Variants in GRIN2A observed in about 807,000 individuals in gnomAD.
The protein encoded by GRIN2A is glutamate ionotropic receptor NMDA type subunit 2A, also known as glutamate receptor ionotropic, NMDA 2A.
A neutral mutation model predicts 113.4 loss-of-function variants in GRIN2A; 22 were observed. The ratio of observed to expected loss-of-function variants is 0.19; its 90% CI spans 0.14 to 0.28. GRIN2A has a LOEUF of 0.28. Ranked by LOEUF, GRIN2A falls within the 10% of genes least tolerant of loss-of-function variation. The pLI is 1.00. For synonymous variants in GRIN2A, 827 were observed against 738.4 expected, an observed-to-expected ratio of 1.12 and a Z score of -1.94; for missense variants, 1,502 against 1,887.0, an observed-to-expected ratio of 0.80 and a Z score of 3.78.
intron 2 of GRIN2A, among the ~76,000 whole-genome samples, chr16:9,994,782 T>A (rs1431054580): frequency 2.0e-5 from 3 of 152,190 alleles, no homozygotes. Flanking sequence ...ACCATCTCCA[T>A]TGGAACTCCT....
At chr16:9,788,994 G>A (rs966768807) in intron 11 of GRIN2A, among the ~76,000 whole-genome samples, 1 of 151,956 alleles carries the variant, frequency 6.6e-6, no homozygotes, top group Non-Finnish European at 1.5e-5. Context: ...CACCCTCCTC[G>A]GCCTCTCAAA....
chr16:10,077,266 G>A (rs568458327), intron 2 of GRIN2A, among the ~76,000 whole-genome samples: 4 of 152,332 alleles, frequency 2.6e-5, no homozygotes, highest in African/African-American at 9.6e-5. Flanking sequence ...TTAAGCCACT[G>A]TGTGTAATTT....
At chr16:10,051,562 G>A (rs1025790991) in intron 2 of GRIN2A, among the ~76,000 whole-genome samples, 1 of 152,198 alleles carries the variant, frequency 6.6e-6, no homozygotes, top group African/African-American at 2.4e-5. Flanking sequence ...AAAGCTGGAA[G>A]GAATTAATTC....
intron 4 of GRIN2A, among the ~76,000 whole-genome samples, chr16:9,857,752 T>C (rs1276250440): frequency 6.6e-6 from 1 of 152,262 alleles, no homozygotes; most frequent in African/African-American, 2.4e-5. Flanking sequence ...CTATGTGCTA[T>C]GTATTGCTAT....
At chr16:9,770,402 A>C (rs1901196738) in intron 11 of GRIN2A, among the ~76,000 whole-genome samples, 1 of 152,204 alleles carries the variant, frequency 6.6e-6, no homozygotes, top group Non-Finnish European at 1.5e-5. Context: ...GTTATGTGAA[A>C]TTAGCATGTA....
intron 2 of GRIN2A, among the ~76,000 whole-genome samples, chr16:10,130,566 G>T (rs974940048): frequency 1.3e-5 from 2 of 152,100 alleles, no homozygotes; most frequent in African/African-American, 4.8e-5. Context: ...CTGTCAAAAG[G>T]AACAGGACAT....
At chr16:10,055,203 T>C (rs952930765) in intron 2 of GRIN2A, among the ~76,000 whole-genome samples, 1 of 150,716 alleles carries the variant, frequency 6.6e-6, no homozygotes, top group Non-Finnish European at 1.5e-5. Context: ...TGCATGTACA[T>C]ATAGAAAAAC....
chr16:10,088,152 T>G (rs1212428474), intron 2 of GRIN2A, among the ~76,000 whole-genome samples: 2 of 152,146 alleles, frequency 1.3e-5, no homozygotes, highest in Admixed American at 6.5e-5. Flanking sequence ...AAACGCACAT[T>G]TGGACACAAT....
chr16:9,761,967 G>C lies in GRIN2A; in HGVS notation c.*1182C>G. 5.0e-6 allele frequency: 1 copy of C among 201,690 alleles called. No individual in the cohort carries two copies. The highest frequency in any genetic ancestry group is 7.7e-5 in the East Asian group (1 of 13,058). The allele number at this position is 201,690 out of a possible 1,614,324, so 12.5% of individuals were successfully genotyped here. A position where few individuals can be genotyped will look rare whatever the true frequency, so the allele number is the denominator to read the frequency against. ...TCCAAGAGTGCCTCGTGTTTTGAAG[G>C]CTTTTGATTTGAGGAGTTTGGGGTG... On this transcript the variant is annotated 3_prime_UTR_variant, in exon 13 of 13. Coordinates refer to ENST00000330684, the MANE Select transcript of GRIN2A (RefSeq NM_001134407.3).
intron 2 of GRIN2A, among the ~76,000 whole-genome samples, chr16:10,110,471 A>T (rs1465812980): frequency 1.3e-5 from 2 of 152,248 alleles, no homozygotes; most frequent in Non-Finnish European, 2.9e-5. Flanking sequence ...ATGGAGAAGC[A>T]AGTGGCAAGG....
intron 2 of GRIN2A, among the ~76,000 whole-genome samples, chr16:10,118,385 G>A (rs1005245092): frequency 9.9e-5 from 15 of 151,838 alleles, no homozygotes; most frequent in African/African-American, 2.4e-4. Context: ...AGTTTTTCCC[G>A]CCCCGATACT....
intron 2 of GRIN2A, among the ~76,000 whole-genome samples, chr16:10,100,107 G>C (rs72774194): frequency 6.6e-6 from 1 of 152,162 alleles, no homozygotes; most frequent in Non-Finnish European, 1.5e-5. Flanking sequence ...GAGGGCAACT[G>C]CAAGAAGGCC....
chr16:10,142,608 A>G (rs1357844026), intron 2 of GRIN2A, among the ~76,000 whole-genome samples: 1 of 152,208 alleles, frequency 6.6e-6, no homozygotes, highest in Non-Finnish European at 1.5e-5. Context: ...CTGAAGAGGG[A>G]AGATTGCTTG....
rs542457728 is a variant in GRIN2A at position 9,893,744 on chromosome 16, G to C, written c.1008-2644C>G. Among the ~76,000 whole-genome samples, 4 of 152,310 alleles carry C rather than the reference G, an allele frequency of 2.6e-5. No individual in the cohort carries two copies. The South Asian group carries it at 6.2e-4, about 24-fold the overall frequency. ...TGGCTCCCAAAGTGCTGGGATTACA[G>C]GCATGAGCCACCACACCTGCCGGAA... On this transcript the variant is annotated intron_variant, in intron 3 of 12. Coordinates refer to ENST00000330684, the MANE Select transcript of GRIN2A (RefSeq NM_001134407.3).
chr16:10,093,618 G>GAAAAA (rs199838522), intron 2 of GRIN2A, among the ~76,000 whole-genome samples: 1 of 145,428 alleles, frequency 6.9e-6, no homozygotes, highest in Non-Finnish European at 1.5e-5. Context: ...GCAACAAAGT[G>GAAAAA]AAAAAAAAAA....
intron 2 of GRIN2A, among the ~76,000 whole-genome samples, chr16:10,008,995 C>G (rs144567666): frequency 2.3e-4 from 35 of 152,338 alleles, no homozygotes; most frequent in Admixed American, 6.5e-4. Flanking sequence ...ATTTAGCTTA[C>G]ACTCTGATGG....
chr16:9,984,470 G>T (rs1045684263), intron 2 of GRIN2A, among the ~76,000 whole-genome samples: 3 of 152,110 alleles, frequency 2.0e-5, no homozygotes, highest in Admixed American at 6.5e-5. Context: ...TCTTCTAGCA[G>T]TTTCACAGTT....
At chr16:9,988,891 G>A (rs574580052) in intron 2 of GRIN2A, among the ~76,000 whole-genome samples, 1 of 152,100 alleles carries the variant, frequency 6.6e-6, no homozygotes, top group African/African-American at 2.4e-5. Context: ...CCAGACAGGA[G>A]GAGGGTCCTA....
chr16:10,005,154 T>C (rs960653824), intron 2 of GRIN2A, among the ~76,000 whole-genome samples: 12 of 152,152 alleles, frequency 7.9e-5, no homozygotes, highest in African/African-American at 2.9e-4. Flanking sequence ...TTTGAAAAAA[T>C]TGCATCTAGC....
Sources: allele counts gnomAD v4.1 joint callset (sites outside exome capture counted in the v4.1 genomes callset), GRCh38; gene constraint gnomAD v4.1.1; transcripts MANE v1.5; gene names NCBI Gene and HGNC (gene_info 2026-07-23, HGNC 2026-07-21).